Variants in PRDM16 observed in about 807,000 individuals in gnomAD.
The protein encoded by PRDM16 is PR/SET domain 16, also known as histone-lysine N-methyltransferase PRDM16.
A neutral mutation model predicts 110.6 loss-of-function variants in PRDM16; 23 were observed. That is an observed-to-expected ratio of 0.21 (90% CI 0.15 to 0.29). The LOEUF is 0.29. Ranked by LOEUF, PRDM16 falls within the 10% of genes least tolerant of loss-of-function variation. PRDM16 has a pLI of 1.00. For synonymous variants in PRDM16, 799 were observed against 781.8 expected, an observed-to-expected ratio of 1.02 and a Z score of -0.37; for missense variants, 1,615 against 1,794.3, an observed-to-expected ratio of 0.90 and a Z score of 1.81.
At position 3,434,255 on chromosome 1, in the gene PRDM16, G is replaced by GCA. The variant is rs1290082660; in HGVS notation, c.*444_*445insCA. The GCA allele has an allele frequency of 8.4e-6, 2 of 237,358 alleles. No homozygotes were observed. The highest frequency in any genetic ancestry group is 1.7e-5 in the Non-Finnish European group (2 of 121,200). The allele number at this position is 237,358 out of a possible 1,614,324, so 14.7% of individuals were successfully genotyped here. On this transcript the variant is annotated 3_prime_UTR_variant, in exon 17 of 17. Transcript: ENST00000270722. The stretch of plus-strand genomic sequence containing the variant: ...ATGAAATGACAAGAATAACCCTTTT[G>GCA]GTAACCGTATTGACTGCAGAGTCTA...
chr1:3,427,251 T>C (rs1455797730), intron 14 of PRDM16, among the ~76,000 whole-genome samples: 3 of 152,166 alleles, frequency 2.0e-5, no homozygotes, highest in Non-Finnish European at 4.4e-5. Flanking sequence ...GCTGCTTCCT[T>C]TGTGAAAGCT....
In PRDM16 at chr1:3,405,014, C is replaced by T. The variant is rs750425586; in HGVS notation, c.1032+128C>T. 520 of 989,716 alleles carry T rather than the reference C, an allele frequency of 5.3e-4. 1 individual carries two copies. Among genetic ancestry groups the T allele is most frequent in the Non-Finnish European group, 7.1e-4 (483 of 684,060 alleles). 61.3% of individuals were successfully genotyped at this position (989,716 alleles called of 1,614,324 possible). Reference sequence around the variant, plus strand: ...AGTGCGGCAGAGTGGGTAGGAGGCCCCTGCGGTGGCTCGGGCCCTTCCGTG... The same window carrying T: ...AGTGCGGCAGAGTGGGTAGGAGGCCTCTGCGGTGGCTCGGGCCCTTCCGTG... On this transcript the variant is annotated intron_variant, in intron 7 of 16. Transcript: ENST00000270722.
chr1:3,264,139 C>G (rs1428562119), intron 3 of PRDM16, among the ~76,000 whole-genome samples: 2 of 152,212 alleles, frequency 1.3e-5, no homozygotes, highest in Non-Finnish European at 2.9e-5. Context: ...GAATAAAAAG[C>G]AGAGAAATAG....
chr1:3,397,261 A>G (rs1355566890), intron 5 of PRDM16, among the ~76,000 whole-genome samples: 1 of 152,252 alleles, frequency 6.6e-6, no homozygotes, highest in Non-Finnish European at 1.5e-5. Flanking sequence ...TCTTCCAGAC[A>G]GGGCTGTGGG....
At chr1:3,333,565 T>C (rs1217804502) in intron 3 of PRDM16, among the ~76,000 whole-genome samples, 1 of 152,124 alleles carries the variant, frequency 6.6e-6, no homozygotes, top group Non-Finnish European at 1.5e-5. Flanking sequence ...AGCACAGACG[T>C]CTCTCCTCCA....
At chr1:3,239,942 GGA>G (rs139391162) in intron 2 of PRDM16, among the ~76,000 whole-genome samples, 23 of 150,576 alleles carry the variant, frequency 1.5e-4, no homozygotes, top group Admixed American at 9.3e-4. Flanking sequence ...GGGTGGGCGG[GGA>G]GAGAGAGAGA....
intron 3 of PRDM16, among the ~76,000 whole-genome samples, chr1:3,305,769 C>T (rs981521644): frequency 1.3e-5 from 2 of 152,232 alleles, no homozygotes; most frequent in African/African-American, 4.8e-5. Flanking sequence ...GCCTCATCTC[C>T]ACAGACTGCT....
intron 3 of PRDM16, among the ~76,000 whole-genome samples, chr1:3,384,509 G>A (rs1643162641): frequency 6.6e-6 from 1 of 152,170 alleles, no homozygotes; most frequent in Admixed American, 6.5e-5. Flanking sequence ...AAGTCCTAGG[G>A]GTTGCCACTC....
chr1:3,236,859 G>A (rs974386725), intron 2 of PRDM16, among the ~76,000 whole-genome samples: 1 of 152,208 alleles, frequency 6.6e-6, no homozygotes, highest in African/African-American at 2.4e-5. Flanking sequence ...GCATTATTGG[G>A]GGCCAAGTAC....
Position 3,435,454 on chromosome 1 carries a change from A to G in PRDM16, c.*1643A>G, listed in dbSNP as rs1638881754. 1 of 231,266 alleles carries G rather than the reference A, an allele frequency of 4.3e-6. No individual in the cohort carries two copies. Among genetic ancestry groups the G allele is most frequent in the Non-Finnish European group, 8.6e-6 (1 of 116,914 alleles). 14.3% of individuals were successfully genotyped at this position (231,266 alleles called of 1,614,324 possible). ...TGCTGTCCCTGCTGCCGTTTACCAG[A>G]CAATCATATGTTTTTGTTAAATTTG... On this transcript the variant is annotated 3_prime_UTR_variant, in exon 17 of 17. Transcript: ENST00000270722.
rs1020864624 is a variant in PRDM16, at chr1:3,436,621, C to T, written c.*2810C>T. On this transcript the variant is annotated 3_prime_UTR_variant, in exon 17 of 17. Coordinates refer to ENST00000270722, the MANE Select transcript of PRDM16 (RefSeq NM_022114.4). ...CACTTAGTGTGGCCCCAGGCCCCAG[C>T]GAGCCTCGCCCTCCCAGTTTTGCTC... 7 of 232,196 alleles carry T rather than the reference C, an allele frequency of 3.0e-5. No individual in the cohort carries two copies. The South Asian group carries it at 9.1e-4, about 30-fold the overall frequency. 14.4% of individuals were successfully genotyped at this position (232,196 alleles called of 1,614,324 possible). A position where few individuals can be genotyped will look rare whatever the true frequency, so the allele number is the denominator to read the frequency against.
chr1:3,080,284 C>G lies in PRDM16; in HGVS notation c.37+10988C>G, dbSNP rs976509071. 1.4e-4 allele frequency among the ~76,000 whole-genome samples: 22 copies of G among 152,198 alleles called. No homozygotes were observed. The highest frequency in any genetic ancestry group is 5.1e-4 in the African/African-American group (21 of 41,464). On this transcript the variant is annotated intron_variant, in intron 1 of 16. Transcript: ENST00000270722. The surrounding 1 kb of genome is among the most constrained non-coding windows in gnomAD (Gnocchi z 5.2). ...AATAACACGCCGTGCGAGTGCCTCT[C>G]TGAATGGGGTATTCAGTTCCCAGCC...
chr1:3,137,310 C>T (rs1426121795), intron 1 of PRDM16, among the ~76,000 whole-genome samples: 2 of 152,230 alleles, frequency 1.3e-5, no homozygotes, highest in East Asian at 1.9e-4. Flanking sequence ...GTGGGTCACA[C>T]GGTACAGATT....
chr1:3,265,418 G>T lies in PRDM16; in HGVS notation c.438+21281G>T, dbSNP rs547009791. Among the ~76,000 whole-genome samples the T allele has an allele frequency of 6.6e-6, 1 of 152,120 alleles. No individual in the cohort carries two copies. Among genetic ancestry groups the T allele is most frequent in the East Asian group, 1.9e-4 (1 of 5,160 alleles). ...ACTGATGATGTGAAGGGCCTAGTAG[G>T]GGCTGAGGTCCTGTCCCAGTAGGGG... On this transcript the variant is annotated intron_variant, in intron 3 of 16. Coordinates refer to ENST00000270722, the MANE Select transcript of PRDM16 (RefSeq NM_022114.4). This position sits in a 1 kb window ranked among gnomAD's most constrained non-coding sequence, Gnocchi z 4.5.
chr1:3,419,138 A>G (rs1638356834), intron 12 of PRDM16, among the ~76,000 whole-genome samples: 1 of 152,102 alleles, frequency 6.6e-6, no homozygotes, highest in South Asian at 2.1e-4. Context: ...TCATCTCACG[A>G]CGGCCATAGC....
intron 4 of PRDM16, among the ~76,000 whole-genome samples, chr1:3,394,029 C>A (rs1468955003): frequency 1.3e-5 from 2 of 152,118 alleles, no homozygotes; most frequent in Non-Finnish European, 2.9e-5. Context: ...GGGCAGTGTC[C>A]GCGCCGGAGG....
intron 3 of PRDM16, among the ~76,000 whole-genome samples, chr1:3,280,985 G>C (rs1640701359): frequency 6.6e-6 from 1 of 152,232 alleles, no homozygotes; most frequent in South Asian, 2.1e-4. Context: ...TGCCCAGCGA[G>C]GTTGGCTCTG....
At chr1:3,225,348 G>T (rs1192419116) in intron 2 of PRDM16, among the ~76,000 whole-genome samples, 1 of 152,112 alleles carries the variant, frequency 6.6e-6, no homozygotes, top group Non-Finnish European at 1.5e-5. Flanking sequence ...CAAATATTTT[G>T]AAGAGGTTTC....
At chr1:3,294,810 G>A (rs988795706) in intron 3 of PRDM16, among the ~76,000 whole-genome samples, 1 of 152,188 alleles carries the variant, frequency 6.6e-6, no homozygotes, top group African/African-American at 2.4e-5. Context: ...TCCTGATCAC[G>A]GGCACGGCCA....
Sources: allele counts gnomAD v4.1 joint callset (sites outside exome capture counted in the v4.1 genomes callset), GRCh38; gene constraint gnomAD v4.1.1; non-coding constraint Gnocchi (gnomAD v3.1); transcripts MANE v1.5; gene names NCBI Gene and HGNC (gene_info 2026-07-23, HGNC 2026-07-21).